The following ARHGEF12 variants were observed in gnomAD, a reference collection of about 807,000 sequenced individuals.
The protein encoded by ARHGEF12 is Rho guanine nucleotide exchange factor 12.
Under a neutral mutation model 211.2 loss-of-function variants are expected in ARHGEF12, and 66 were observed. The observed-to-expected ratio is 0.31, with a 90% CI of 0.26 to 0.38. The LOEUF is 0.38. ARHGEF12 is among the 10% of genes least tolerant of loss of function. The pLI is 1.00. For synonymous variants in ARHGEF12, 592 were observed against 638.4 expected (o/e 0.93, Z 1.09); for missense variants, 1,429 against 1,869.5 (o/e 0.76, Z 4.34).
At chr11:120,431,304 A>T (rs1340747194) in intron 10 of ARHGEF12, among the ~76,000 whole-genome samples, 1 of 152,044 alleles carries the variant, frequency 6.6e-6, no homozygotes, top group Non-Finnish European at 1.5e-5. Context: ...TAAATAAATA[A>T]ATAAATGCTT....
At chr11:120,361,440 A>G (rs988793221) in intron 1 of ARHGEF12, among the ~76,000 whole-genome samples, 1 of 152,208 alleles carries the variant, frequency 6.6e-6, no homozygotes, top group African/African-American at 2.4e-5. Flanking sequence ...ATTGTCTTCC[A>G]CTAAATCCGT....
intron 33 of ARHGEF12, chr11:120,475,829 A>C: frequency 5.1e-6 from 1 of 194,182 alleles, no homozygotes; most frequent in Non-Finnish European, 1.0e-5. Context: ...GTGAGAAAAA[A>C]ATCAAAAACC....
intron 12 of ARHGEF12, chr11:120,439,871 A>G: frequency 2.4e-6 from 1 of 416,066 alleles, no homozygotes; most frequent in Non-Finnish European, 4.3e-6. Context: ...TGAGCAAAGG[A>G]TATTTACTGT....
rs1182666041 is a variant in ARHGEF12 at position 120,487,512 on chromosome 11, G to A, written c.*2435G>A. The A allele has an allele frequency of 4.7e-6, 1 of 214,202 alleles. No homozygotes were observed. Among genetic ancestry groups the A allele is most frequent in the Non-Finnish European group, 9.4e-6 (1 of 106,084 alleles). The allele number at this position is 214,202 out of a possible 1,614,324, so 13.3% of individuals were successfully genotyped here. ...CATTTTGGCCATTATAGTCACATCC[G>A]TTTGACTTTGGTTGTGACATCTTCC... On this transcript the variant is annotated 3_prime_UTR_variant, in exon 41 of 41. Transcript: ENST00000397843.
chr11:120,381,652 T>C (rs1168351180), intron 1 of ARHGEF12, among the ~76,000 whole-genome samples: 3 of 152,230 alleles, frequency 2.0e-5, no homozygotes, highest in Non-Finnish European at 4.4e-5. Context: ...TTGATGTTAG[T>C]GGTTGTTGTT....
chr11:120,463,605 C>T (rs148356225), intron 27 of ARHGEF12: 1 of 151,566 alleles, frequency 6.6e-6, no homozygotes, highest in African/African-American at 2.4e-5. Flanking sequence ...TTTGGTAAAC[C>T]CAGCTGCTTT....
rs139061536 is a variant in ARHGEF12, at chr11:120,487,532, T to A, written c.*2455T>A. ...CATCCGTTTGACTTTGGTTGTGACATCTTCCTTTCAGGATGATGGAATTAG... is the reference window on the plus strand; with the variant it reads ...CATCCGTTTGACTTTGGTTGTGACAACTTCCTTTCAGGATGATGGAATTAG... On this transcript the variant is annotated 3_prime_UTR_variant, in exon 41 of 41. Coordinates refer to ENST00000397843, the MANE Select transcript of ARHGEF12 (RefSeq NM_015313.3). The A allele has an allele frequency of 1.3e-3, 284 of 214,238 alleles. 1 individual carries two copies. The Middle Eastern group carries it at 0.021, about 16-fold the overall frequency. 13.3% of individuals were successfully genotyped at this position (214,238 alleles called of 1,614,324 possible). A position where few individuals can be genotyped will look rare whatever the true frequency, so the allele number is the denominator to read the frequency against.
intron 1 of ARHGEF12, among the ~76,000 whole-genome samples, chr11:120,387,376 C>T (rs1329112792): frequency 2.0e-5 from 3 of 151,964 alleles, no homozygotes; most frequent in African/African-American, 7.2e-5. Flanking sequence ...AGGACCTAGA[C>T]TAGAGCCTGG....
intron 3 of ARHGEF12, chr11:120,408,338 C>T (rs1445399675): frequency 1.3e-5 from 2 of 152,212 alleles, no homozygotes; most frequent in Non-Finnish European, 2.9e-5. Flanking sequence ...ACTTAAAGAG[C>T]TGTCTTTCAA....
At chr11:120,420,892 A>G (rs1274079328) in intron 5 of ARHGEF12, 41 bp downstream of exon 5, 1 of 1,538,420 alleles carries the variant, frequency 6.5e-7, no homozygotes, top group African/African-American at 1.4e-5. Context: ...CAGTAAACAG[A>G]GTAAGAATAG....
intron 1 of ARHGEF12, among the ~76,000 whole-genome samples, chr11:120,376,746 T>C (rs747841437): frequency 3.9e-5 from 6 of 152,180 alleles, no homozygotes; most frequent in Non-Finnish European, 7.4e-5. Flanking sequence ...GATCTTATTC[T>C]ATCGAACTAT....
At chr11:120,477,346 T>G in intron 35 of ARHGEF12, 41 bp downstream of exon 35, 5 of 1,610,000 alleles carry the variant, frequency 3.1e-6, no homozygotes, top group Non-Finnish European at 4.2e-6. Flanking sequence ...TATTTTATGT[T>G]TTGGGTTGGA....
chr11:120,385,270 G>A, intron 1 of ARHGEF12: 1 of 984,114 alleles, frequency 1.0e-6, no homozygotes, highest in Non-Finnish European at 1.2e-6. Flanking sequence ...TAGATGATTG[G>A]GGGTGGGAGA....
In ARHGEF12 at chr11:120,337,046, G is replaced by A. The variant is rs1006609002; in HGVS notation, c.-198G>A. The A allele has an allele frequency of 7.9e-6, 5 of 630,328 alleles. No homozygotes were observed. Among genetic ancestry groups the A allele is most frequent in the Non-Finnish European group, 1.1e-5 (4 of 351,428 alleles). 39.0% of individuals were successfully genotyped at this position (630,328 alleles called of 1,614,324 possible). ...TCCCTGGCTTTCTCAGTTCGTTTTG[G>A]GAGATAACTTGTTTTGCTCCAAGCC... On this transcript the variant is annotated 5_prime_UTR_variant, in exon 1 of 41. Transcript: ENST00000397843.
In ARHGEF12 at chr11:120,465,336, G is replaced by C; in HGVS notation, c.2713G>C (p.Asp905His). 6.2e-7 allele frequency: 1 copy of C among 1,614,110 alleles called. No individual in the cohort carries two copies. Among genetic ancestry groups the C allele is most frequent in the Non-Finnish European group, 8.5e-7 (1 of 1,180,028 alleles). ...AATGATCAAATCTCGTCAGAAAAAGGATTCTCGATTTCAGACTTTTGTGCA... is the reference window on the plus strand; with the variant it reads ...AATGATCAAATCTCGTCAGAAAAAGCATTCTCGATTTCAGACTTTTGTGCA... ...LEMIKSRQKK[D>H]SRFQTFVQDA... is the part of the protein sequence containing the mutation. Residue 905 changes from aspartate (D) to histidine (H), a missense_variant, in exon 28 of 41, where the codon GAT becomes CAT. Asp to His is a moderately conservative substitution (Grantham distance 81). This residue lies in a region of ARHGEF12 where 223 missense variants were observed against 444.6 expected (regional missense o/e 0.50). Transcript: ENST00000397843.
chr11:120,419,230 G>T (rs913129193), intron 4 of ARHGEF12, among the ~76,000 whole-genome samples: 2 of 151,832 alleles, frequency 1.3e-5, no homozygotes, highest in African/African-American at 4.8e-5. Context: ...AAAGTGCTGC[G>T]ATTACAGGCC....
At position 120,478,320 on chromosome 11, in the gene ARHGEF12, C is replaced by G; in HGVS notation, c.3697C>G (p.Gln1233Glu). The G allele has an allele frequency of 6.2e-7, 1 of 1,614,170 alleles. No homozygotes were observed. Among genetic ancestry groups the G allele is most frequent in the Non-Finnish European group, 8.5e-7 (1 of 1,180,030 alleles). Reference sequence around the variant, plus strand: ...ACTAAAGGAAGTTGGAGAAGATTATCAAATCGCAATCCCAGATTCACACCT... The same window carrying G: ...ACTAAAGGAAGTTGGAGAAGATTATGAAATCGCAATCCCAGATTCACACCT... The part of the protein sequence containing the change: ...GTLKEVGEDY[Q>E]IAIPDSHLPV... The change falls in exon 37 of 41, where the codon CAA becomes GAA. Residue 1233 changes from glutamine (Q) to glutamate (E), a missense_variant. Around this residue, in one of 7 missense-constraint regions of ARHGEF12, gnomAD observed 467 missense variants for 468.4 expected, o/e 1.00. Coordinates refer to ENST00000397843, the MANE Select transcript of ARHGEF12 (RefSeq NM_015313.3).
chr11:120,375,746 G>C (rs754481808), intron 1 of ARHGEF12, among the ~76,000 whole-genome samples: 1 of 151,958 alleles, frequency 6.6e-6, no homozygotes, highest in Non-Finnish European at 1.5e-5. Flanking sequence ...AGTTTATTCA[G>C]ATTTCCTTAG....
intron 8 of ARHGEF12, 83 bp downstream of exon 8, chr11:120,428,330 GCTGATGAACTA>G: frequency 8.7e-7 from 1 of 1,150,906 alleles, no homozygotes; most frequent in Admixed American, 3.0e-5. Context: ...CAAGTATTCG[GCTGATGAACTA>G]ATTAAATTTA....
Sources: allele counts gnomAD v4.1 joint callset (sites outside exome capture counted in the v4.1 genomes callset), GRCh38; gene constraint gnomAD v4.1.1; regional missense constraint gnomAD v4.1.1; transcripts MANE v1.5; gene names NCBI Gene and HGNC (gene_info 2026-07-23, HGNC 2026-07-21).